The following GPHN variants were observed in gnomAD, a reference collection of about 807,000 sequenced individuals.
GPHN encodes the protein gephyrin.
GPHN carries 17 observed loss-of-function variants against 95.5 expected under a neutral mutation model. That is an observed-to-expected ratio of 0.18 (90% CI 0.12 to 0.27). The LOEUF (loss-of-function observed/expected upper bound fraction) is 0.27. Ranked by LOEUF, GPHN falls within the 10% of genes least tolerant of loss-of-function variation. GPHN has a pLI of 1.00. For missense variants in GPHN, 660 were observed against 978.1 expected (o/e 0.67, Z 4.34); for synonymous variants, 320 against 322.5 (o/e 0.99, Z 0.08).
intron 9 of GPHN, among the ~76,000 whole-genome samples, chr14:66,994,222 C>T (rs2071618838): frequency 6.6e-6 from 1 of 151,822 alleles, no homozygotes; most frequent in Admixed American, 6.6e-5. Flanking sequence ...AAAAATTAGC[C>T]GGGCATGATG....
At chr14:67,733,998 T>C in the GPHN span, 18 of 626,024 alleles carry the variant, frequency 2.9e-5, no homozygotes, top group Admixed American at 2.3e-4. Context: ...CTGGGAATGT[T>C]TGCACACCTG....
At chr14:67,008,230 G>A (rs1378739654) in intron 9 of GPHN, among the ~76,000 whole-genome samples, 2 of 152,048 alleles carry the variant, frequency 1.3e-5, no homozygotes, top group Non-Finnish European at 2.9e-5. Context: ...AAGGCGGGCG[G>A]ATCACGAGGT....
chr14:67,577,107 A>C, the GPHN span, among the ~76,000 whole-genome samples: 2 of 152,214 alleles, frequency 1.3e-5, no homozygotes, highest in South Asian at 4.1e-4. Flanking sequence ...GAGAAAGGCC[A>C]TGCTTATATG....
chr14:67,151,825 G>A (rs1595396315), intron 18 of GPHN, among the ~76,000 whole-genome samples: 2 of 152,002 alleles, frequency 1.3e-5, no homozygotes, highest in Admixed American at 6.6e-5. Context: ...TGTCTTTTTA[G>A]TAGAGATGCT....
At chr14:67,398,869 G>GT in the GPHN span, among the ~76,000 whole-genome samples, 1 of 152,264 alleles carries the variant, frequency 6.6e-6, no homozygotes. Context: ...TCCCTGTTTT[G>GT]TTTGGCCTTG....
chr14:66,773,803 C>T (rs1595861187), intron 2 of GPHN, among the ~76,000 whole-genome samples: 1 of 152,200 alleles, frequency 6.6e-6, no homozygotes, highest in Non-Finnish European at 1.5e-5. Flanking sequence ...AACTCCTGGC[C>T]TCAAGAAATC....
chr14:66,914,524 A>G (rs1040343237), intron 5 of GPHN, among the ~76,000 whole-genome samples: 3 of 152,110 alleles, frequency 2.0e-5, no homozygotes, highest in African/African-American at 7.2e-5. Context: ...GTAGGTAACT[A>G]TATTTGTCTT....
intron 2 of GPHN, among the ~76,000 whole-genome samples, chr14:66,683,397 C>CAT (rs58038012): frequency 1.8e-4 from 1 of 5,630 alleles, no homozygotes; most frequent in African/African-American, 6.4e-4. Context: ...TATATATGTT[C>CAT]ATATATATAT....
intron 18 of GPHN, among the ~76,000 whole-genome samples, chr14:67,150,959 T>C (rs2081247372): frequency 6.6e-6 from 1 of 152,198 alleles, no homozygotes; most frequent in African/African-American, 2.4e-5. Flanking sequence ...AAGTAGAATA[T>C]TTTCAGTGTA....
the GPHN span, among the ~76,000 whole-genome samples, chr14:67,516,089 C>T: frequency 6.6e-6 from 1 of 152,134 alleles, no homozygotes; most frequent in East Asian, 1.9e-4. Flanking sequence ...CAATACCGAA[C>T]GTAGGAAATC....
the GPHN span, chr14:67,204,746 T>C: frequency 1.9e-6 from 3 of 1,613,820 alleles, no homozygotes; most frequent in African/African-American, 2.7e-5. Flanking sequence ...GTTTCAAGTC[T>C]CTCAGGAATT....
chr14:66,658,777 A>G (rs1175333508), intron 1 of GPHN, among the ~76,000 whole-genome samples: 1 of 151,984 alleles, frequency 6.6e-6, no homozygotes, highest in Non-Finnish European at 1.5e-5. Flanking sequence ...ATTTTGTCAT[A>G]ATATTCATTG....
At chr14:67,594,081 T>C in the GPHN span, 2 of 640,678 alleles carry the variant, frequency 3.1e-6, no homozygotes, top group Non-Finnish European at 2.8e-6. Flanking sequence ...TATGAAAGTA[T>C]ACAGTGAAAC....
chr14:67,119,592 C>T (rs2078892925), intron 16 of GPHN, among the ~76,000 whole-genome samples: 1 of 151,984 alleles, frequency 6.6e-6, no homozygotes, highest in Non-Finnish European at 1.5e-5. Context: ...GAGTTTGAGA[C>T]CAGCCTGACC....
chr14:66,644,564 C>T (rs1253082241), intron 1 of GPHN, among the ~76,000 whole-genome samples: 3 of 152,012 alleles, frequency 2.0e-5, no homozygotes, highest in African/African-American at 7.2e-5. Context: ...ACATGTCAAT[C>T]AGTATTTAAA....
the GPHN span, among the ~76,000 whole-genome samples, chr14:67,193,958 A>AAAAAAACAAAAAAAC: frequency 2.0e-5 from 3 of 149,716 alleles, no homozygotes; most frequent in African/African-American, 7.4e-5. Context: ...AAAAAACAAA[A>AAAAAAACAAAAAAAC]AAAAAACGAA....
the GPHN span, among the ~76,000 whole-genome samples, chr14:67,305,240 A>G: frequency 6.6e-6 from 1 of 152,170 alleles, no homozygotes; most frequent in African/African-American, 2.4e-5. Context: ...ATCCCTCCTG[A>G]GTAAATGACT....
chr14:66,687,461 T>C (rs991077626), intron 2 of GPHN, among the ~76,000 whole-genome samples: 1 of 151,736 alleles, frequency 6.6e-6, no homozygotes, highest in African/African-American at 2.4e-5. Flanking sequence ...TTTACAATAT[T>C]ACTTCTTTTT....
intron 9 of GPHN, among the ~76,000 whole-genome samples, chr14:66,992,006 G>A (rs145616255): frequency 1.1e-3 from 173 of 151,990 alleles, no homozygotes; most frequent in Middle Eastern, 0.01. Flanking sequence ...GCCAAAGAGA[G>A]CCTAAATATT....
Sources: allele counts gnomAD v4.1 joint callset (sites outside exome capture counted in the v4.1 genomes callset), GRCh38; gene constraint gnomAD v4.1.1; transcripts MANE v1.5; gene names NCBI Gene and HGNC (gene_info 2026-07-23, HGNC 2026-07-21).